The following SUCLG2 variants were observed in gnomAD, a reference collection of about 807,000 sequenced individuals.
SUCLG2 encodes the protein succinate-CoA ligase GDP-forming subunit beta, also known as succinate--CoA ligase [GDP-forming] subunit beta, mitochondrial.
A neutral mutation model predicts 47.9 loss-of-function variants in SUCLG2; 42 were observed. The ratio of observed to expected loss-of-function variants is 0.88; its 90% CI spans 0.69 to 1.14. SUCLG2 has a LOEUF of 1.14. SUCLG2 is among the 50% of genes most tolerant of loss of function. The probability of loss-of-function intolerance (pLI) is 0.00; values close to 1 mark genes in which losing one functional copy is unlikely to be tolerated. For missense variants in SUCLG2, 571 were observed against 525.9 expected, an observed-to-expected ratio of 1.09 and a Z score of -0.84; for synonymous variants, 195 against 197.3, an observed-to-expected ratio of 0.99 and a Z score of 0.10.
chr3:67,652,347 T>C (rs1196345033), intron 1 of SUCLG2, among the ~76,000 whole-genome samples: 1 of 152,192 alleles, frequency 6.6e-6, no homozygotes, highest in Non-Finnish European at 1.5e-5. Flanking sequence ...TCACAAGGCC[T>C]GGTGGTATAA....
chr3:67,587,922 C>T (rs1173784007), intron 2 of SUCLG2, among the ~76,000 whole-genome samples: 1 of 152,290 alleles, frequency 6.6e-6, no homozygotes, highest in Admixed American at 6.5e-5. Context: ...TACTTTGTTA[C>T]ATGCACATTT....
chr3:67,541,728 G>A (rs1706717897), intron 2 of SUCLG2, among the ~76,000 whole-genome samples: 1 of 152,214 alleles, frequency 6.6e-6, no homozygotes, highest in Admixed American at 6.5e-5. Context: ...ATTCACCAAG[G>A]TTGAAATGAA....
chr3:67,457,572 T>G (rs60329155), intron 9 of SUCLG2, among the ~76,000 whole-genome samples: 1,879 of 152,110 alleles, frequency 0.012, 36 homozygotes, highest in African/African-American at 0.044. Flanking sequence ...AAACTGTGGA[T>G]AGTGGTGTTA....
chr3:67,491,218 G>A (rs1297004824), intron 9 of SUCLG2, among the ~76,000 whole-genome samples: 2 of 145,716 alleles, frequency 1.4e-5, no homozygotes, highest in African/African-American at 5.1e-5. Context: ...TACTCAGGAG[G>A]CTAAGTCAGA....
chr3:67,421,426 T>G (rs533779272), intron 9 of SUCLG2, among the ~76,000 whole-genome samples: 3 of 152,166 alleles, frequency 2.0e-5, no homozygotes, highest in Non-Finnish European at 2.9e-5. Context: ...TAGCAGTCAG[T>G]TGGGAGACCT....
rs548390982 is a variant in SUCLG2 at position 67,610,055 on chromosome 3, C to T, written c.85-459G>A. ...TCTATTACATGGATATGGCTCCCCCCTTCTCACCCCAAATAAATAAAGAGC... is the reference window on the plus strand; with the variant it reads ...TCTATTACATGGATATGGCTCCCCCTTTCTCACCCCAAATAAATAAAGAGC... On this transcript the variant is annotated intron_variant, in intron 1 of 10. Transcript: ENST00000307227. Among the ~76,000 whole-genome samples the T allele has an allele frequency of 2.0e-5, 3 of 152,284 alleles. No homozygotes were observed. In the East Asian group the frequency reaches 5.8e-4, roughly 29 times the overall value.
At chr3:67,421,376 A>C (rs1703154490) in intron 9 of SUCLG2, among the ~76,000 whole-genome samples, 1 of 152,102 alleles carries the variant, frequency 6.6e-6, no homozygotes, top group Non-Finnish European at 1.5e-5. Context: ...CTCTCTCAGC[A>C]AAAAAACAAT....
intron 3 of SUCLG2, among the ~76,000 whole-genome samples, chr3:67,528,607 T>C (rs561488699): frequency 1.3e-5 from 2 of 151,946 alleles, no homozygotes; most frequent in East Asian, 3.9e-4. Context: ...TCAAAGTAAA[T>C]AGTAAAAAGG....
At chr3:67,404,116 T>G (rs543106569) in intron 9 of SUCLG2, among the ~76,000 whole-genome samples, 51 of 152,264 alleles carry the variant, frequency 3.3e-4, no homozygotes, top group Non-Finnish European at 5.9e-4. Context: ...ACTCCTGACC[T>G]CTACTGATCC....
chr3:67,367,584 G>C (rs1701893331), intron 10 of SUCLG2, among the ~76,000 whole-genome samples: 1 of 152,098 alleles, frequency 6.6e-6, no homozygotes, highest in Non-Finnish European at 1.5e-5. Flanking sequence ...TTGACACTTT[G>C]GGTTGAATAA....
intron 1 of SUCLG2, among the ~76,000 whole-genome samples, chr3:67,647,542 T>C (rs765231554): frequency 5.3e-5 from 8 of 152,256 alleles, no homozygotes; most frequent in Non-Finnish European, 1.0e-4. Context: ...GTGAAAGTCA[T>C]GTCCAGTTGG....
chr3:67,647,269 A>G (rs1262222045), intron 1 of SUCLG2, among the ~76,000 whole-genome samples: 1 of 152,232 alleles, frequency 6.6e-6, no homozygotes. Flanking sequence ...CTCGAATTTT[A>G]AAATAAAAAT....
chr3:67,565,576 C>T (rs1469105283), intron 2 of SUCLG2, among the ~76,000 whole-genome samples: 1 of 152,226 alleles, frequency 6.6e-6, no homozygotes, highest in East Asian at 1.9e-4. Context: ...ATGAGATATG[C>T]CACTGCCCCT....
intron 2 of SUCLG2, among the ~76,000 whole-genome samples, chr3:67,544,256 T>G (rs997313531): frequency 1.3e-5 from 2 of 152,156 alleles, no homozygotes; most frequent in African/African-American, 4.8e-5. Context: ...ACGGAAGAAC[T>G]ATTGATATGG....
In SUCLG2 at chr3:67,538,748, G is replaced by A. The variant is rs151006078; in HGVS notation, c.227-9562C>T. ...CTCTTATTTCCTTGAGCAGTGGTTT[G>A]TAGTCCTCCTTGAAGAGGTCCTTCA... On this transcript the variant is annotated intron_variant, in intron 2 of 10. Coordinates refer to ENST00000307227, the MANE Select transcript of SUCLG2 (RefSeq NM_003848.4). Among the ~76,000 whole-genome samples the A allele has an allele frequency of 4.4e-3, 674 of 152,274 alleles. 8 individuals carry two copies. In the East Asian group the frequency reaches 0.053, roughly 12 times the overall value.
At chr3:67,625,426 A>G (rs1230174224) in intron 1 of SUCLG2, among the ~76,000 whole-genome samples, 1 of 152,206 alleles carries the variant, frequency 6.6e-6, no homozygotes, top group Non-Finnish European at 1.5e-5. Context: ...CAGGGAGGTG[A>G]GAAATGCACC....
intron 2 of SUCLG2, among the ~76,000 whole-genome samples, chr3:67,579,744 G>C (rs2107254983): frequency 6.6e-6 from 1 of 152,252 alleles, no homozygotes; most frequent in Admixed American, 6.5e-5. Context: ...AACTTGAACA[G>C]GGTAATGGAA....
intron 1 of SUCLG2, among the ~76,000 whole-genome samples, chr3:67,636,595 A>C (rs994379018): frequency 2.7e-5 from 4 of 150,372 alleles, no homozygotes; most frequent in Non-Finnish European, 4.4e-5. Flanking sequence ...CTCGTGATCC[A>C]CCTGCCTCGG....
intron 9 of SUCLG2, among the ~76,000 whole-genome samples, chr3:67,404,630 C>G (rs1353281199): frequency 6.6e-6 from 1 of 151,996 alleles, no homozygotes; most frequent in Admixed American, 6.5e-5. Flanking sequence ...TGAGAAGATC[C>G]CACTCAACCA....
Sources: gnomAD v4.1 joint callset for allele counts (sites outside exome capture counted in the v4.1 genomes callset) on GRCh38, gnomAD v4.1.1 for gene constraint, MANE v1.5 for transcripts, NCBI Gene and HGNC (gene_info 2026-07-23, HGNC 2026-07-21) for gene names.